Variants in GFRA1 observed in about 807,000 individuals in gnomAD.
GFRA1 encodes the protein GDNF family receptor alpha 1.
Under a neutral mutation model 51.6 loss-of-function variants are expected in GFRA1, and 16 were observed. The ratio of observed to expected loss-of-function variants is 0.31; its 90% CI spans 0.21 to 0.47. The LOEUF is 0.47. Among genes scored for constraint, GFRA1 ranks in the 20% least tolerant of loss-of-function variants. The pLI is 1.00. For missense variants in GFRA1, 530 were observed against 594.3 expected (o/e 0.89, Z 1.13); for synonymous variants, 270 against 241.3 (o/e 1.12, Z -1.10).
intron 5 of GFRA1, among the ~76,000 whole-genome samples, chr10:116,162,900 A>G (rs1257824414): frequency 1.3e-5 from 2 of 152,196 alleles, no homozygotes; most frequent in Admixed American, 6.5e-5. Context: ...ACAAGGACAG[A>G]TTTGGGCTTC....
chr10:116,217,134 C>T (rs1465226625), intron 4 of GFRA1, among the ~76,000 whole-genome samples: 1 of 152,160 alleles, frequency 6.6e-6, no homozygotes, highest in Non-Finnish European at 1.5e-5. Context: ...AAGCCCAGGT[C>T]CAGACCTGCA....
intron 5 of GFRA1, among the ~76,000 whole-genome samples, chr10:116,185,447 G>C (rs192893463): frequency 6.6e-6 from 1 of 152,104 alleles, no homozygotes; most frequent in African/African-American, 2.4e-5. Context: ...GCTTCCATGC[G>C]TGTTGCTGCT....
intron 9 of GFRA1, among the ~76,000 whole-genome samples, chr10:116,088,059 TGTGA>T (rs1956171153): frequency 6.6e-6 from 1 of 152,250 alleles, no homozygotes; most frequent in East Asian, 1.9e-4. Context: ...GTTTTCTGTG[TGTGA>T]GTGTCTCTGA....
intron 5 of GFRA1, among the ~76,000 whole-genome samples, chr10:116,203,410 A>C (rs901734123): frequency 1.2e-4 from 18 of 152,154 alleles, no homozygotes; most frequent in Non-Finnish European, 2.5e-4. Flanking sequence ...CTGCAGAAAG[A>C]ATCAGAAAAT....
intron 5 of GFRA1, among the ~76,000 whole-genome samples, chr10:116,140,764 AG>A (rs1290302814): frequency 6.6e-6 from 1 of 152,178 alleles, no homozygotes; most frequent in Admixed American, 6.5e-5. Context: ...ATAACTCAGG[AG>A]TGTTTCCGCA....
intron 5 of GFRA1, among the ~76,000 whole-genome samples, chr10:116,159,265 C>T (rs1959492942): frequency 6.6e-6 from 1 of 152,136 alleles, no homozygotes; most frequent in Non-Finnish European, 1.5e-5. Context: ...CCACACTGGC[C>T]CAGCTCGTTC....
intron 6 of GFRA1, among the ~76,000 whole-genome samples, chr10:116,105,422 G>A (rs940882269): frequency 3.3e-5 from 5 of 152,262 alleles, no homozygotes; most frequent in African/African-American, 4.8e-5. Context: ...CTCCACCTTC[G>A]GAAGTAAATG....
At chr10:116,160,381 C>T (rs1239640302) in intron 5 of GFRA1, among the ~76,000 whole-genome samples, 1 of 152,180 alleles carries the variant, frequency 6.6e-6, no homozygotes, top group Non-Finnish European at 1.5e-5. Flanking sequence ...AGCACTTTCC[C>T]ATAATAGTTA....
intron 5 of GFRA1, among the ~76,000 whole-genome samples, chr10:116,207,947 C>A (rs748420371): frequency 6.6e-6 from 1 of 152,098 alleles, no homozygotes; most frequent in Non-Finnish European, 1.5e-5. Flanking sequence ...CTGCACTTCT[C>A]ATGTACTGTT....
chr10:116,158,538 A>G (rs527907489), intron 5 of GFRA1, among the ~76,000 whole-genome samples: 1 of 152,328 alleles, frequency 6.6e-6, no homozygotes, highest in African/African-American at 2.4e-5. Context: ...ATGGCAGGTC[A>G]GGAGGAGGGG....
chr10:116,133,923 T>C (rs1445048003), intron 5 of GFRA1, among the ~76,000 whole-genome samples: 1 of 152,216 alleles, frequency 6.6e-6, no homozygotes, highest in Non-Finnish European at 1.5e-5. Context: ...AATACAATCC[T>C]CACACTGTCC....
At position 116,140,313 on chromosome 10, in the gene GFRA1, T is replaced by G. The variant is rs574309688; in HGVS notation, c.434-14756A>C. Among the ~76,000 whole-genome samples the G allele has an allele frequency of 3.3e-5, 5 of 152,342 alleles. No individual in the cohort carries two copies. In the South Asian group the frequency reaches 1.0e-3, roughly 32 times the overall value. On this transcript the variant is annotated intron_variant, in intron 5 of 10. Transcript: ENST00000355422. ...TTTCTCAGAGTTTCTGTTTGATCTA[T>G]TATGTGAAACAGATGATCTCCAGTG...
At chr10:116,065,892 T>C (rs1170718990) in intron 9 of GFRA1, among the ~76,000 whole-genome samples, 1 of 152,192 alleles carries the variant, frequency 6.6e-6, no homozygotes, top group South Asian at 2.1e-4. Flanking sequence ...ATTCTTTTTA[T>C]CCATACTAAG....
At chr10:116,131,321 G>T (rs966640344) in intron 5 of GFRA1, among the ~76,000 whole-genome samples, 4 of 152,170 alleles carry the variant, frequency 2.6e-5, no homozygotes, top group African/African-American at 9.7e-5. Context: ...ATGGAAAATG[G>T]TTCAACCACT....
At chr10:116,132,635 A>G (rs3781530) in intron 5 of GFRA1, among the ~76,000 whole-genome samples, 55,930 of 151,786 alleles carry the variant, frequency 0.37, 10,501 homozygotes, top group East Asian at 0.41. Context: ...GGGCCCTGAT[A>G]CTGCGGATCC....
At chr10:116,111,896 C>T (rs1301668625) in intron 6 of GFRA1, among the ~76,000 whole-genome samples, 3 of 152,218 alleles carry the variant, frequency 2.0e-5, no homozygotes, top group Admixed American at 6.5e-5. Flanking sequence ...CGAGGCTGGG[C>T]TGGCACAGCA....
At chr10:116,160,300 T>C (rs1169574965) in intron 5 of GFRA1, among the ~76,000 whole-genome samples, 2 of 152,242 alleles carry the variant, frequency 1.3e-5, no homozygotes, top group South Asian at 2.1e-4. Context: ...TCAAAAGATA[T>C]TGTCAAATTA....
chr10:116,082,601 C>G (rs1382344095), intron 9 of GFRA1, among the ~76,000 whole-genome samples: 1 of 152,162 alleles, frequency 6.6e-6, no homozygotes, highest in Non-Finnish European at 1.5e-5. Flanking sequence ...CTGCTTCAGC[C>G]TCCTGAGTAG....
intron 5 of GFRA1, among the ~76,000 whole-genome samples, chr10:116,176,726 C>CTCCTTCCT (rs66897810): frequency 7.7e-6 from 1 of 130,528 alleles, no homozygotes; most frequent in Non-Finnish European, 1.6e-5. Context: ...CCCTCCCTCC[C>CTCCTTCCT]TCCTTCCTTC....
Sources: allele counts gnomAD v4.1 joint callset (sites outside exome capture counted in the v4.1 genomes callset), GRCh38; gene constraint gnomAD v4.1.1; transcripts MANE v1.5; gene names NCBI Gene and HGNC (gene_info 2026-07-23, HGNC 2026-07-21).